The following PTPRR variants were observed in gnomAD, a reference collection of about 807,000 sequenced individuals.
PTPRR encodes protein tyrosine phosphatase receptor type R.
In PTPRR, 38 loss-of-function variants were observed where a neutral mutation model predicts 77.2. The ratio of observed to expected loss-of-function variants is 0.49; its 90% CI spans 0.38 to 0.65. The LOEUF (loss-of-function observed/expected upper bound fraction) is 0.65, where lower values mean the gene tolerates loss of function less well. Among genes scored for constraint, PTPRR ranks in the 30% least tolerant of loss-of-function variants. The pLI is 0.00. For missense variants in PTPRR, 744 were observed against 799.2 expected, an observed-to-expected ratio of 0.93 and a Z score of 0.83; for synonymous variants, 299 against 283.1, an observed-to-expected ratio of 1.06 and a Z score of -0.57.
chr12:70,776,743 C>T (rs896683374), intron 2 of PTPRR, among the ~76,000 whole-genome samples: 10 of 152,026 alleles, frequency 6.6e-5, no homozygotes, highest in African/African-American at 2.4e-4. Flanking sequence ...GTTAAAGATT[C>T]CAATTCAAGA....
chr12:70,771,415 G>A (rs1291642111), intron 2 of PTPRR, among the ~76,000 whole-genome samples: 4 of 152,004 alleles, frequency 2.6e-5, no homozygotes, highest in Admixed American at 2.0e-4. Flanking sequence ...GGGAGGGAAG[G>A]GGGTGAGGGA....
rs1368579860 is a variant in PTPRR at position 70,816,223 on chromosome 12, T to C, written c.358-51445A>G. 3.9e-5 allele frequency among the ~76,000 whole-genome samples: 6 copies of C among 152,258 alleles called. No homozygotes were observed. The East Asian group carries it at 5.8e-4, about 15-fold the overall frequency. On this transcript the variant is annotated intron_variant, in intron 2 of 13. Transcript: ENST00000283228. ...TCACACTGTGGTGCACAAATATTTA[T>C]AAACAAATATGAAATAAATGAGTAC...
chr12:70,859,519 G>A (rs1247074078), intron 2 of PTPRR, among the ~76,000 whole-genome samples: 1 of 151,980 alleles, frequency 6.6e-6, no homozygotes, highest in Non-Finnish European at 1.5e-5. Flanking sequence ...AGGGAGGGGG[G>A]TAATTGATGG....
chr12:70,859,480 A>C (rs1461070383), intron 2 of PTPRR, among the ~76,000 whole-genome samples: 3 of 152,028 alleles, frequency 2.0e-5, no homozygotes, highest in Non-Finnish European at 4.4e-5. Flanking sequence ...CTGAGAGAAA[A>C]ATGCTAATGA....
At chr12:70,769,685 A>G (rs891353015) in intron 2 of PTPRR, among the ~76,000 whole-genome samples, 7 of 152,000 alleles carry the variant, frequency 4.6e-5, no homozygotes, top group African/African-American at 9.7e-5. Flanking sequence ...GAACCAAAAA[A>G]GAGCCCGCAT....
rs1288008466 is a variant in PTPRR, at chr12:70,671,885, C to A, written c.1498-9280G>T. 3.1e-5 allele frequency: 22 copies of A among 704,148 alleles called. No individual in the cohort carries two copies. In the East Asian group the frequency reaches 5.4e-4, roughly 17 times the overall value. 43.6% of individuals were successfully genotyped at this position (704,148 alleles called of 1,614,324 possible). A position where few individuals can be genotyped will look rare whatever the true frequency, so the allele number is the denominator to read the frequency against. On this transcript the variant is annotated intron_variant, in intron 10 of 13. Coordinates refer to ENST00000283228, the MANE Select transcript of PTPRR (RefSeq NM_002849.4). ...TCTGGCCCCACAAGCACTAACCCAG[C>A]GCAGGAGGACCAGCCACCGCCGCCA...
At position 70,792,846 on chromosome 12, in the gene PTPRR, G is replaced by A. The variant is rs538224172; in HGVS notation, c.358-28068C>T. Among the ~76,000 whole-genome samples, 11 of 152,220 alleles carry A rather than the reference G, an allele frequency of 7.2e-5. No homozygotes were observed. The South Asian group carries it at 2.1e-3, about 29-fold the overall frequency. ...AGGCACTAAGAATAATGAGATATCA[G>A]TTTGAAAAGAGCCCCTGTCAGAGCA... On this transcript the variant is annotated intron_variant, in intron 2 of 13. Coordinates refer to ENST00000283228, the MANE Select transcript of PTPRR (RefSeq NM_002849.4).
rs569392403 is a variant in PTPRR at position 70,724,106 on chromosome 12, G to GT, written c.1007+21711dup. Among the ~76,000 whole-genome samples, 331 of 152,138 alleles carry GT rather than the reference G, an allele frequency of 2.2e-3. 1 individual carries two copies. Among genetic ancestry groups the GT allele is most frequent in the African/African-American group, 7.7e-3 (321 of 41,498 alleles). ...AAAATGACCATTTTGGTTATAAGAG[G>GT]TTTTTTAAGTTACTTCATATCCTTT... On this transcript the variant is annotated intron_variant, in intron 6 of 13. Transcript: ENST00000283228.
chr12:70,759,299 T>A (rs942931974), intron 4 of PTPRR, among the ~76,000 whole-genome samples: 1 of 152,006 alleles, frequency 6.6e-6, no homozygotes, highest in Non-Finnish European at 1.5e-5. Flanking sequence ...ATGAAGGCAA[T>A]GAAGACACAG....
chr12:70,790,079 C>T, intron 2 of PTPRR, among the ~76,000 whole-genome samples: 1 of 152,226 alleles, frequency 6.6e-6, no homozygotes, highest in Admixed American at 6.5e-5. Context: ...TTCACCCTTT[C>T]TACTAGATTT....
chr12:70,701,411 T>C (rs1888421065), intron 6 of PTPRR, 88 bp from the exon 7 acceptor site: 2 of 1,176,850 alleles, frequency 1.7e-6, no homozygotes, highest in Non-Finnish European at 2.4e-6. Context: ...CACAATTCAG[T>C]GAGAACTTTT....
chr12:70,898,058 C>T (rs1418620610), intron 1 of PTPRR, among the ~76,000 whole-genome samples: 4 of 151,350 alleles, frequency 2.6e-5, no homozygotes, highest in South Asian at 2.1e-4. Flanking sequence ...TGCTAAATGA[C>T]TAGTTAATGG....
At chr12:70,807,119 C>T (rs530109573) in intron 2 of PTPRR, among the ~76,000 whole-genome samples, 46 of 152,270 alleles carry the variant, frequency 3.0e-4, no homozygotes, top group African/African-American at 1.1e-3. Context: ...TCCTTAAACA[C>T]TGACATGATG....
intron 2 of PTPRR, among the ~76,000 whole-genome samples, chr12:70,768,188 G>A (rs976539326): frequency 6.6e-6 from 1 of 151,906 alleles, no homozygotes; most frequent in Non-Finnish European, 1.5e-5. Flanking sequence ...AGGAAATAGA[G>A]ACACAAAAAA....
At chr12:70,820,437 C>T (rs1356717813) in intron 2 of PTPRR, among the ~76,000 whole-genome samples, 1 of 152,196 alleles carries the variant, frequency 6.6e-6, no homozygotes, top group Admixed American at 6.5e-5. Context: ...GAGTTCACGC[C>T]ATTCTCCTGC....
chr12:70,781,682 A>G (rs1891205841), intron 2 of PTPRR, among the ~76,000 whole-genome samples: 1 of 152,186 alleles, frequency 6.6e-6, no homozygotes, highest in Admixed American at 6.5e-5. Context: ...TTAAGAGGTG[A>G]AAGAGTGAGG....
rs145458964 is a variant in PTPRR at position 70,764,775 on chromosome 12, G to A, written c.361C>T (p.Leu121=). 1.1e-5 allele frequency: 17 copies of A among 1,610,344 alleles called. No homozygotes were observed. Among genetic ancestry groups the A allele is most frequent in the Non-Finnish European group, 1.3e-5 (15 of 1,176,648 alleles). ...IPAANVIVVT[L]QMDVNKLNIT... ...TTCAGCTTGTTTACATCCATTTGCA[G>A]TGTCTAGAAAATAAGGACAAAAATA... The change falls in exon 3 of 14, where the codon CTG becomes TTG. Residue 121 remains leucine (L), a synonymous_variant. Transcript: ENST00000283228.
chr12:70,879,171 C>A (rs937185235), intron 2 of PTPRR, among the ~76,000 whole-genome samples: 1 of 152,044 alleles, frequency 6.6e-6, no homozygotes, highest in Non-Finnish European at 1.5e-5. Context: ...TTAATGTGTG[C>A]AGCACACCAA....
intron 1 of PTPRR, among the ~76,000 whole-genome samples, chr12:70,896,091 T>G (rs1404517860): frequency 6.6e-6 from 1 of 151,772 alleles, no homozygotes; most frequent in African/African-American, 2.4e-5. Flanking sequence ...GGAGTGACTA[T>G]ATTAATATCA....
Sources: gnomAD v4.1 joint callset for allele counts (sites outside exome capture counted in the v4.1 genomes callset) on GRCh38, gnomAD v4.1.1 for gene constraint, MANE v1.5 for transcripts, NCBI Gene and HGNC (gene_info 2026-07-23, HGNC 2026-07-21) for gene names.